Variants in SH3PXD2A observed in about 807,000 individuals in gnomAD.
SH3PXD2A encodes the protein SH3 and PX domain-containing protein 2A.
In SH3PXD2A, 32 loss-of-function variants were observed where a neutral mutation model predicts 115.2. The ratio of observed to expected loss-of-function variants is 0.28; its 90% CI spans 0.21 to 0.37. The LOEUF is 0.37. Ranked by LOEUF, SH3PXD2A falls within the 10% of genes least tolerant of loss-of-function variation. The probability of loss-of-function intolerance (pLI) is 1.00; values close to 1 mark genes in which losing one functional copy is unlikely to be tolerated. For missense variants in SH3PXD2A, 1,328 were observed against 1,498.7 expected (o/e 0.89, Z 1.88); for synonymous variants, 610 against 629.1 (o/e 0.97, Z 0.45).
chr10:103,759,482 C>T (rs1319993888), intron 3 of SH3PXD2A, among the ~76,000 whole-genome samples: 2 of 152,222 alleles, frequency 1.3e-5, no homozygotes, highest in Non-Finnish European at 2.9e-5. Flanking sequence ...TTCTGGAAGC[C>T]CAGAGGCCCA....
chr10:103,695,478 C>T (rs2037813349), intron 5 of SH3PXD2A, among the ~76,000 whole-genome samples: 1 of 150,056 alleles, frequency 6.7e-6, no homozygotes. Flanking sequence ...CACTGCACTC[C>T]AGCCTGAGTG....
At chr10:103,643,091 G>C (rs2036978131) in intron 8 of SH3PXD2A, among the ~76,000 whole-genome samples, 2 of 152,200 alleles carry the variant, frequency 1.3e-5, no homozygotes, top group Non-Finnish European at 2.9e-5. Flanking sequence ...TTTAAATAGA[G>C]GGCTTGCAAA....
At chr10:103,613,937 T>C (rs1404165795) in intron 11 of SH3PXD2A, among the ~76,000 whole-genome samples, 1 of 152,114 alleles carries the variant, frequency 6.6e-6, no homozygotes, top group East Asian at 1.9e-4. Flanking sequence ...AAATTTACTG[T>C]AGTGGAACAA....
chr10:103,683,847 C>T (rs2037642640), intron 6 of SH3PXD2A, among the ~76,000 whole-genome samples: 1 of 152,208 alleles, frequency 6.6e-6, no homozygotes, highest in South Asian at 2.1e-4. Flanking sequence ...AGCCACCCCT[C>T]CTTCCACCTT....
At chr10:103,786,223 C>A (rs1400732642) in intron 2 of SH3PXD2A, among the ~76,000 whole-genome samples, 1 of 152,234 alleles carries the variant, frequency 6.6e-6, no homozygotes. Context: ...GCTGGCTCTG[C>A]AGCACATCAA....
At chr10:103,631,627 C>T (rs191878532) in intron 8 of SH3PXD2A, among the ~76,000 whole-genome samples, 491 of 152,310 alleles carry the variant, frequency 3.2e-3, no homozygotes, top group Middle Eastern at 0.014. Flanking sequence ...CAGGCACCTG[C>T]TGCCACAGAC....
chr10:103,842,476 T>G (rs1390723932), intron 1 of SH3PXD2A, among the ~76,000 whole-genome samples: 1 of 152,246 alleles, frequency 6.6e-6, no homozygotes, highest in Non-Finnish European at 1.5e-5. Context: ...CTTACTGTAC[T>G]ATCAAATACT....
chr10:103,599,272 G>A lies in SH3PXD2A; in HGVS notation c.*2544C>T, dbSNP rs570385343. ...GGGGTCAAGGAGAGGGGGTCCTTGG[G>A]GGGGGCTGGGAGAATGTGGGGGGCA... On this transcript the variant is annotated 3_prime_UTR_variant, in exon 15 of 15. Transcript: ENST00000369774. 7.2e-6 allele frequency: 1 copy of A among 138,238 alleles called. No individual in the cohort carries two copies. The highest frequency in any genetic ancestry group is 2.7e-4 in the South Asian group (1 of 3,682). 8.6% of individuals were successfully genotyped at this position (138,238 alleles called of 1,614,324 possible).
rs1402055826 is a variant in SH3PXD2A at position 103,665,886 on chromosome 10, G to T, written c.472+2722C>A. ...TCTTCTAGACAGCAGAGCCTCTCCT[G>T]GGTTGGAAGGGGCCTTTGCATGAGT... is the stretch of plus-strand genomic sequence containing the variant. On this transcript the variant is annotated intron_variant, in intron 7 of 14. Transcript: ENST00000369774. The surrounding 1 kb of genome is among the most constrained non-coding windows in gnomAD (Gnocchi z 4.0). Among the ~76,000 whole-genome samples, 1 of 152,138 alleles carries T rather than the reference G, an allele frequency of 6.6e-6. No homozygotes were observed. Among genetic ancestry groups the T allele is most frequent in the Non-Finnish European group, 1.5e-5 (1 of 67,988 alleles).
intron 3 of SH3PXD2A, among the ~76,000 whole-genome samples, chr10:103,766,816 T>C (rs1005802694): frequency 1.3e-5 from 2 of 152,184 alleles, no homozygotes; most frequent in South Asian, 4.1e-4. Context: ...TCTGTGCTTT[T>C]TGTGAAAAGG....
At position 103,668,665 on chromosome 10, in the gene SH3PXD2A, C is replaced by G; in HGVS notation, c.428-13G>C. 3 of 1,556,194 alleles carry G rather than the reference C, an allele frequency of 1.9e-6. No individual in the cohort carries two copies. Among genetic ancestry groups the G allele is most frequent in the Non-Finnish European group, 2.6e-6 (3 of 1,150,908 alleles). ...CTGGACAGCCACACTTCCGAGTCCCCGAGAGCAAGCGGCAGCAGGAGAGGA... is the reference window on the plus strand; with the variant it reads ...CTGGACAGCCACACTTCCGAGTCCCGGAGAGCAAGCGGCAGCAGGAGAGGA... On this transcript the variant is annotated splice_polypyrimidine_tract_variant and intron_variant, in intron 6 of 14. Coordinates refer to ENST00000369774, the MANE Select transcript of SH3PXD2A (RefSeq NM_001394015.1).
At chr10:103,668,771 C>T (rs1257322150) in intron 6 of SH3PXD2A, 119 bp from the exon 7 acceptor site, 30 of 886,292 alleles carry the variant, frequency 3.4e-5, no homozygotes, top group East Asian at 1.3e-4. Flanking sequence ...CAGCCGCGGG[C>T]GGAAGGCGGA....
intron 1 of SH3PXD2A, among the ~76,000 whole-genome samples, chr10:103,802,621 G>A (rs1489358028): frequency 1.3e-5 from 2 of 152,220 alleles, no homozygotes; most frequent in Non-Finnish European, 2.9e-5. Flanking sequence ...CACAGCCTCA[G>A]GGCTTTTCTG....
rs544580551 is a variant in SH3PXD2A, at chr10:103,617,444, G to C, written c.803-130C>G. The C allele has an allele frequency of 1.0e-4, 69 of 667,000 alleles. 1 individual carries two copies. In the South Asian group the frequency reaches 1.2e-3, roughly 11 times the overall value. The allele number at this position is 667,000 out of a possible 1,614,324, so 41.3% of individuals were successfully genotyped here. On this transcript the variant is annotated intron_variant, in intron 10 of 14. Transcript: ENST00000369774. ...AAGAAGGTCCACTGGGTTGGCTCTGGCTTCTCCAGGGGAGGGAAGGACCAG... is the reference window on the plus strand; with the variant it reads ...AAGAAGGTCCACTGGGTTGGCTCTGCCTTCTCCAGGGGAGGGAAGGACCAG...
chr10:103,660,016 T>A (rs1028658755), intron 8 of SH3PXD2A, among the ~76,000 whole-genome samples: 2 of 152,104 alleles, frequency 1.3e-5, no homozygotes, highest in African/African-American at 2.4e-5. Context: ...CTTTCCGGGT[T>A]TAAACACTGG....
chr10:103,764,545 A>G (rs774583166), intron 3 of SH3PXD2A, among the ~76,000 whole-genome samples: 3 of 152,192 alleles, frequency 2.0e-5, no homozygotes, highest in Admixed American at 6.5e-5. Flanking sequence ...AGGTGTCTCC[A>G]TGCTTGACTT....
chr10:103,839,064 G>A (rs911263077), intron 1 of SH3PXD2A, among the ~76,000 whole-genome samples: 4 of 152,160 alleles, frequency 2.6e-5, no homozygotes, highest in African/African-American at 7.2e-5. Context: ...GGTCAACCCC[G>A]CGTGGGATCT....
rs1035905162 is a variant in SH3PXD2A, at chr10:103,746,670, T to G, written c.230-10862A>C. On this transcript the variant is annotated intron_variant, in intron 3 of 14. Coordinates refer to ENST00000369774, the MANE Select transcript of SH3PXD2A (RefSeq NM_001394015.1). The surrounding 1 kb of genome is among the most constrained non-coding windows in gnomAD (Gnocchi z 4.4). ...CCCTTTCAGTGACTGCCCAGGGCACTGAGGATAAAATCCAAACTCCCTTCT... is the reference window on the plus strand; with the variant it reads ...CCCTTTCAGTGACTGCCCAGGGCACGGAGGATAAAATCCAAACTCCCTTCT... The G allele has an allele frequency of 2.0e-5, 3 of 152,250 alleles. No individual in the cohort carries two copies. The highest frequency in any genetic ancestry group is 4.8e-5 in the African/African-American group (2 of 41,444). 9.4% of individuals were successfully genotyped at this position (152,250 alleles called of 1,614,324 possible). A position where few individuals can be genotyped will look rare whatever the true frequency, so the allele number is the denominator to read the frequency against.
Position 103,845,571 on chromosome 10 carries a change from C to A in SH3PXD2A, c.72+9624G>T, listed in dbSNP as rs184718622. Among the ~76,000 whole-genome samples, 8 of 152,282 alleles carry A rather than the reference C, an allele frequency of 5.3e-5. No individual in the cohort carries two copies. The East Asian group carries it at 1.5e-3, about 29-fold the overall frequency. ...ATAATACACCCCTGGTTTAGCATAT[C>A]ATCAGGAAATAACCATAAAAATGGG... is the stretch of plus-strand genomic sequence containing the variant. On this transcript the variant is annotated intron_variant, in intron 1 of 14. Coordinates refer to ENST00000369774, the MANE Select transcript of SH3PXD2A (RefSeq NM_001394015.1).
Sources: allele counts gnomAD v4.1 joint callset (sites outside exome capture counted in the v4.1 genomes callset), GRCh38; gene constraint gnomAD v4.1.1; non-coding constraint Gnocchi (gnomAD v3.1); transcripts MANE v1.5; gene names NCBI Gene and HGNC (gene_info 2026-07-23, HGNC 2026-07-21).